The following CFAP54 variants were observed in gnomAD, a reference collection of about 807,000 sequenced individuals.
The protein encoded by CFAP54 is cilia- and flagella-associated protein 54.
Under a neutral mutation model 370.4 loss-of-function variants are expected in CFAP54, and 290 were observed. The ratio of observed to expected loss-of-function variants is 0.78; its 90% CI spans 0.71 to 0.86. The LOEUF (loss-of-function observed/expected upper bound fraction) is 0.86. Among genes scored for constraint, CFAP54 ranks in the 40% least tolerant of loss-of-function variants. The pLI is 0.00. For synonymous variants in CFAP54, 1,206 were observed against 1,236.5 expected, an observed-to-expected ratio of 0.98 and a Z score of 0.52; for missense variants, 3,399 against 3,528.7, an observed-to-expected ratio of 0.96 and a Z score of 0.93.
At chr12:96,581,624 G>A (rs1452279933) in intron 22 of CFAP54, among the ~76,000 whole-genome samples, 1 of 151,622 alleles carries the variant, frequency 6.6e-6, no homozygotes, top group Non-Finnish European at 1.5e-5. Flanking sequence ...CTAATCCAGA[G>A]ATATCCTTTT....
rs955858844 is a variant in CFAP54 at position 96,646,854 on chromosome 12, G to C, written c.4548-1021G>C. ...ATTCTCAGCAAACTATCGCAAGGAC[G>C]AAAAATCAAACACCGCATGTTCTCA... On this transcript the variant is annotated intron_variant, in intron 33 of 67. Coordinates refer to ENST00000524981, the MANE Select transcript of CFAP54 (RefSeq NM_001306084.2). The C allele has an allele frequency of 2.0e-5, 3 of 152,068 alleles. No homozygotes were observed. In the East Asian group the frequency reaches 5.8e-4, roughly 29 times the overall value. 9.4% of individuals were successfully genotyped at this position (152,068 alleles called of 1,614,324 possible).
In CFAP54 at chr12:96,817,829, A is replaced by G; in HGVS notation, c.9012A>G (p.Ser3004=). Residue 3004 remains serine (S), a synonymous_variant, in exon 65 of 68, where the codon TCA becomes TCG. Coordinates refer to ENST00000524981, the MANE Select transcript of CFAP54 (RefSeq NM_001306084.2). ...ATCTTGCTCAAATAGCTGAACTATC[A>G]TTGCCAGCAGCTCCTGAAATTACCT... ...LSNLAQIAEL[S]LPAAPEITSN... 2 of 1,518,978 alleles carry G rather than the reference A, an allele frequency of 1.3e-6. No homozygotes were observed. The highest frequency in any genetic ancestry group is 1.8e-6 in the Non-Finnish European group (2 of 1,137,040). The allele number at this position is 1,518,978 out of a possible 1,614,324, so 94.1% of individuals were successfully genotyped here.
intron 34 of CFAP54, among the ~76,000 whole-genome samples, chr12:96,648,972 A>G (rs1466021759): frequency 6.6e-6 from 1 of 152,164 alleles, no homozygotes; most frequent in Non-Finnish European, 1.5e-5. Flanking sequence ...TCCTGCAAAG[A>G]TGATGGAACC....
chr12:96,778,578 A>G (rs1246227094), intron 60 of CFAP54, among the ~76,000 whole-genome samples: 2 of 152,064 alleles, frequency 1.3e-5, no homozygotes, highest in African/African-American at 4.8e-5. Context: ...CTTGATGACA[A>G]TTGCTTTGGG....
In CFAP54 at chr12:96,770,914, T is replaced by A. The variant is rs76005151; in HGVS notation, c.8281+5696T>A. Among the ~76,000 whole-genome samples the A allele has an allele frequency of 4.8e-3, 734 of 152,376 alleles. 4 individuals carry two copies. Among genetic ancestry groups the A allele is most frequent in the African/African-American group, 0.017 (694 of 41,592 alleles). ...GTGATAAGAAAGTATTGCCAGGAAC[T>A]TAAAATGCAGAATTGATGCTTCTAG... On this transcript the variant is annotated intron_variant, in intron 60 of 67. Transcript: ENST00000524981.
At chr12:96,688,148 G>A (rs1396830751) in intron 42 of CFAP54, among the ~76,000 whole-genome samples, 1 of 152,138 alleles carries the variant, frequency 6.6e-6, no homozygotes, top group Non-Finnish European at 1.5e-5. Context: ...GAAAGACTTA[G>A]GAGAAGGTAA....
At chr12:96,568,906 C>CTT (rs35705881) in intron 19 of CFAP54, among the ~76,000 whole-genome samples, 2 of 142,036 alleles carry the variant, frequency 1.4e-5, no homozygotes, top group African/African-American at 5.1e-5. Flanking sequence ...AGATGACTGG[C>CTT]TTTTTTTTTT....
At chr12:96,679,835 C>A in intron 40 of CFAP54, 83 bp downstream of exon 40, 1 of 1,380,652 alleles carries the variant, frequency 7.2e-7, no homozygotes, top group Non-Finnish European at 1.0e-6. Flanking sequence ...CCCTCTCATT[C>A]TTCCCTCCCC....
chr12:96,546,863 T>C (rs1275369186), intron 14 of CFAP54, among the ~76,000 whole-genome samples: 2 of 152,128 alleles, frequency 1.3e-5, no homozygotes, highest in African/African-American at 4.8e-5. Flanking sequence ...TACTTAATGT[T>C]ATTGTTTTAT....
intron 55 of CFAP54, among the ~76,000 whole-genome samples, chr12:96,751,304 C>T (rs979141073): frequency 6.6e-6 from 1 of 151,942 alleles, no homozygotes; most frequent in African/African-American, 2.4e-5. Context: ...CTCATCTCTG[C>T]CCTCAAGAAG....
intron 50 of CFAP54, among the ~76,000 whole-genome samples, chr12:96,738,608 C>CT (rs71068829): frequency 0.07 from 9,032 of 128,542 alleles, 533 homozygotes; most frequent in Non-Finnish European, 0.088. Context: ...TCTAAATCTC[C>CT]TTTTTTTTTT....
intron 66 of CFAP54, 43 bp from the exon 67 acceptor site, chr12:96,860,776 T>A (rs1287338477): frequency 2.0e-6 from 3 of 1,486,516 alleles, no homozygotes; most frequent in Admixed American, 2.4e-5. Flanking sequence ...TGTCAACAGT[T>A]TGAAACAATG....
intron 50 of CFAP54, among the ~76,000 whole-genome samples, chr12:96,724,752 T>C (rs529839934): frequency 7.9e-5 from 12 of 152,358 alleles, no homozygotes; most frequent in Admixed American, 5.9e-4. Flanking sequence ...TCCTTGCCCA[T>C]GCCTATTTCC....
At chr12:96,614,864 C>T (rs577997675) in intron 26 of CFAP54, among the ~76,000 whole-genome samples, 13,389 of 152,060 alleles carry the variant, frequency 0.088, 756 homozygotes, top group Middle Eastern at 0.14. Flanking sequence ...TAAAAGAGGA[C>T]ACAAACAAAT....
At chr12:96,738,310 G>C (rs1452700817) in intron 50 of CFAP54, among the ~76,000 whole-genome samples, 1 of 152,146 alleles carries the variant, frequency 6.6e-6, no homozygotes, top group African/African-American at 2.4e-5. Flanking sequence ...TTAACTTGCT[G>C]TTACTGGTTT....
In CFAP54 at chr12:96,704,480, A is replaced by G. The variant is rs867940662; in HGVS notation, c.6475-263A>G. ...TATATATATATATATATATATATATATATATATATATATATATATATTTAA... is the reference window on the plus strand; with the variant it reads ...TATATATATATATATATATATATATGTATATATATATATATATATATTTAA... On this transcript the variant is annotated intron_variant, in intron 46 of 67. Transcript: ENST00000524981. Among the ~76,000 whole-genome samples the G allele has an allele frequency of 1.9e-4, 22 of 117,148 alleles. No individual in the cohort carries two copies. The East Asian group carries it at 2.7e-3, about 15-fold the overall frequency. The allele number at this position is 117,148 out of a possible 152,430, so 76.9% of individuals were successfully genotyped here.
chr12:96,519,123 G>T, intron 6 of CFAP54, 52 bp downstream of exon 6: 2 of 1,476,086 alleles, frequency 1.4e-6, no homozygotes, highest in African/African-American at 2.8e-5. Flanking sequence ...TTTTGAGATG[G>T]AATCTGGCTT....
intron 3 of CFAP54, among the ~76,000 whole-genome samples, chr12:96,506,589 C>CTTTTTTTTTTTTTTTTTTTTTTT: frequency 7.6e-6 from 1 of 130,888 alleles, no homozygotes; most frequent in Non-Finnish European, 1.6e-5. Flanking sequence ...CTTTTCTTTT[C>CTTTTTTTTTTTTTTTTTTTTTTT]TTTTTTTTTT....
At chr12:96,749,003 G>A (rs572005979) in intron 55 of CFAP54, among the ~76,000 whole-genome samples, 1 of 152,262 alleles carries the variant, frequency 6.6e-6, no homozygotes, top group Admixed American at 6.5e-5. Flanking sequence ...CAAATCTTAA[G>A]CATGTGATTT....
Sources: gnomAD v4.1 joint callset for allele counts (sites outside exome capture counted in the v4.1 genomes callset) on GRCh38, gnomAD v4.1.1 for gene constraint, MANE v1.5 for transcripts, NCBI Gene and HGNC (gene_info 2026-07-23, HGNC 2026-07-21) for gene names.